Variants in FOCAD observed in about 807,000 individuals in gnomAD.
FOCAD encodes the protein KIAA1797.
A neutral mutation model predicts 225.6 loss-of-function variants in FOCAD; 198 were observed. That is an observed-to-expected ratio of 0.88 (90% CI 0.78 to 0.99). The LOEUF is 0.99. FOCAD is among the 50% of genes least tolerant of loss of function. FOCAD has a pLI of 0.00. For missense variants in FOCAD, 2,713 were observed against 2,123.6 expected (o/e 1.28, Z -5.46); for synonymous variants, 897 against 755.0 (o/e 1.19, Z -3.08).
At chr9:20,824,176 G>T (rs138390107) in intron 15 of FOCAD, among the ~76,000 whole-genome samples, 31 of 152,210 alleles carry the variant, frequency 2.0e-4, no homozygotes, top group Admixed American at 6.6e-4. Flanking sequence ...TACCACACAT[G>T]CCCAAGGACA....
At chr9:20,671,445 T>C (rs976446263) in intron 2 of FOCAD, among the ~76,000 whole-genome samples, 1 of 152,076 alleles carries the variant, frequency 6.6e-6, no homozygotes, top group Non-Finnish European at 1.5e-5. Context: ...CAGAACAAGC[T>C]TTCTCTAAGT....
intron 28 of FOCAD, among the ~76,000 whole-genome samples, chr9:20,940,255 C>G (rs1178420462): frequency 2.0e-5 from 3 of 149,404 alleles, no homozygotes; most frequent in Admixed American, 1.3e-4. Flanking sequence ...CTAATGCTCT[C>G]TAGGTGTCAG....
At chr9:20,903,199 C>G (rs960639173) in intron 21 of FOCAD, among the ~76,000 whole-genome samples, 26 of 152,092 alleles carry the variant, frequency 1.7e-4, no homozygotes, top group African/African-American at 6.3e-4. Flanking sequence ...GAACTTCAGG[C>G]TCCTAGCCTC....
intron 11 of FOCAD, among the ~76,000 whole-genome samples, chr9:20,806,017 A>G (rs1400314357): frequency 1.3e-5 from 2 of 152,146 alleles, no homozygotes; most frequent in African/African-American, 4.8e-5. Flanking sequence ...ATGAATCCTC[A>G]TGTCTGCTCT....
At chr9:20,656,591 T>G (rs56045921), upstream of FOCAD, among the ~76,000 whole-genome samples, 29,157 of 149,862 alleles carry the variant, frequency 0.19, 3,275 homozygotes, top group Non-Finnish European at 0.26. Flanking sequence ...CAGAGACTAG[T>G]ATTGCAACCC....
chr9:20,894,287 T>C (rs1175961243), intron 21 of FOCAD, among the ~76,000 whole-genome samples: 1 of 152,130 alleles, frequency 6.6e-6, no homozygotes, highest in Non-Finnish European at 1.5e-5. Context: ...TACAGAAGGA[T>C]ATTTTGGTTG....
intron 28 of FOCAD, among the ~76,000 whole-genome samples, chr9:20,933,353 C>T (rs1019487847): frequency 8.5e-5 from 13 of 152,178 alleles, no homozygotes; most frequent in Non-Finnish European, 1.8e-4. Context: ...CCTCTTCCCA[C>T]GCTTTCTCCC....
At chr9:20,785,255 G>A (rs900519944) in intron 10 of FOCAD, among the ~76,000 whole-genome samples, 27 of 151,944 alleles carry the variant, frequency 1.8e-4, no homozygotes, top group Admixed American at 4.6e-4. Context: ...ATTCACATGC[G>A]CCCTTCCCTC....
chr9:20,711,698 T>G (rs979586621), intron 1 of FOCAD, among the ~76,000 whole-genome samples: 2 of 152,188 alleles, frequency 1.3e-5, no homozygotes, highest in Admixed American at 1.3e-4. Context: ...AAGTGACAGT[T>G]TTTTGAAAGG....
In FOCAD at chr9:20,831,688, A is replaced by G. The variant is rs142202290; in HGVS notation, c.1920+8573A>G. On this transcript the variant is annotated intron_variant, in intron 15 of 43. Coordinates refer to ENST00000338382, the MANE Select transcript of FOCAD (RefSeq NM_001375567.1). ...TCACCTGTATGTTTCTTTTTTCTTT[A>G]TACATTCTGTGATATTGAGATATAA... 2.6e-3 allele frequency among the ~76,000 whole-genome samples: 403 copies of G among 152,112 alleles called. 2 individuals carry two copies. Among genetic ancestry groups the G allele is most frequent in the African/African-American group, 9.1e-3 (380 of 41,540 alleles).
At chr9:20,762,500 T>C (rs752724669) in intron 6 of FOCAD, among the ~76,000 whole-genome samples, 11 of 152,186 alleles carry the variant, frequency 7.2e-5, no homozygotes, top group Non-Finnish European at 1.6e-4. Flanking sequence ...ATACTGTAGG[T>C]GATCAGTAAA....
intron 36 of FOCAD, among the ~76,000 whole-genome samples, chr9:20,978,005 A>G (rs955335586): frequency 5.9e-5 from 9 of 152,186 alleles, no homozygotes; most frequent in Non-Finnish European, 2.9e-5. Context: ...TATGAGATGG[A>G]GAGAAGGGAA....
chr9:20,951,591 C>T (rs1837693374), intron 34 of FOCAD, among the ~76,000 whole-genome samples: 1 of 151,996 alleles, frequency 6.6e-6, no homozygotes, highest in African/African-American at 2.4e-5. Context: ...GTTTTTCTGG[C>T]CTCCGATTTT....
At chr9:20,960,908 A>G (rs1838651485) in intron 35 of FOCAD, among the ~76,000 whole-genome samples, 2 of 152,060 alleles carry the variant, frequency 1.3e-5, no homozygotes, top group Admixed American at 1.3e-4. Flanking sequence ...CCATGTCCCT[A>G]CAAAGGACAT....
intron 23 of FOCAD, among the ~76,000 whole-genome samples, chr9:20,914,829 C>T (rs1423675488): frequency 5.3e-5 from 8 of 152,032 alleles, no homozygotes; most frequent in Non-Finnish European, 4.4e-5. Flanking sequence ...ATACACCCTG[C>T]GGGGCATGGT....
chr9:20,747,323 A>G (rs1471922691), intron 5 of FOCAD, among the ~76,000 whole-genome samples: 1 of 152,202 alleles, frequency 6.6e-6, no homozygotes, highest in Non-Finnish European at 1.5e-5. Context: ...GGGAAATCCA[A>G]GTTAAATTTT....
intron 2 of FOCAD, among the ~76,000 whole-genome samples, chr9:20,677,048 C>T (rs1465175995): frequency 2.0e-5 from 3 of 152,052 alleles, no homozygotes; most frequent in Non-Finnish European, 2.9e-5. Flanking sequence ...TACAGATAGG[C>T]CAATGGAACA....
rs371212943 is a variant in FOCAD at position 20,990,180 on chromosome 9, A to G, written c.5062A>G (p.Thr1688Ala). Residue 1688 changes from threonine (T) to alanine (A), a missense_variant, in exon 42 of 44, where the codon ACT (threonine) becomes GCT (alanine). Coordinates refer to ENST00000338382, the MANE Select transcript of FOCAD (RefSeq NM_001375567.1). ...ATAVVAWADH[T>A]APLLLGLSAS... ...CGCAGTGGTTGCATGGGCTGACCAC[A>G]CTGCCCCTCTCCTCCTCGGCCTCAG... 5.0e-6 allele frequency: 8 copies of G among 1,614,092 alleles called. No homozygotes were observed. The highest frequency in any genetic ancestry group is 1.6e-4 in the Middle Eastern group (1 of 6,078).
chr9:20,688,118 G>A (rs12336110), intron 1 of FOCAD, among the ~76,000 whole-genome samples: 31,049 of 152,128 alleles, frequency 0.2, 3,373 homozygotes, highest in African/African-American at 0.28. Context: ...CTTCCACACC[G>A]TGTTAGCCAT....
Sources: gnomAD v4.1 joint callset for allele counts (sites outside exome capture counted in the v4.1 genomes callset) on GRCh38, gnomAD v4.1.1 for gene constraint, MANE v1.5 for transcripts, NCBI Gene and HGNC (gene_info 2026-07-23, HGNC 2026-07-21) for gene names.